Variants in SEMA6D observed in about 807,000 individuals in gnomAD.
The protein encoded by SEMA6D is semaphorin-6D.
In SEMA6D, 35 loss-of-function variants were observed where a neutral mutation model predicts 106.6. The observed-to-expected ratio is 0.33, with a 90% CI of 0.25 to 0.44. The LOEUF (loss-of-function observed/expected upper bound fraction) is 0.44, where lower values mean the gene tolerates loss of function less well. Among genes scored for constraint, SEMA6D ranks in the 20% least tolerant of loss-of-function variants. The probability of loss-of-function intolerance (pLI) is 1.00; values close to 1 mark genes in which losing one functional copy is unlikely to be tolerated. For missense variants in SEMA6D, 1,185 were observed against 1,345.9 expected (o/e 0.88, Z 1.87); for synonymous variants, 499 against 487.7 (o/e 1.02, Z -0.31).
chr15:47,351,761 T>C (rs2038335564), intron 1 of SEMA6D, among the ~76,000 whole-genome samples: 1 of 152,194 alleles, frequency 6.6e-6, no homozygotes, highest in Non-Finnish European at 1.5e-5. Flanking sequence ...CTCAAATCAG[T>C]GCCTCACACA....
chr15:47,299,168 T>A (rs16959217), intron 1 of SEMA6D, among the ~76,000 whole-genome samples: 13,137 of 152,140 alleles, frequency 0.086, 1,216 homozygotes, highest in African/African-American at 0.23. Context: ...CACAGTGACA[T>A]GCAAATGAAT....
At chr15:47,755,770 T>C (rs2081687902) in intron 1 of SEMA6D, among the ~76,000 whole-genome samples, 1 of 151,662 alleles carries the variant, frequency 6.6e-6, no homozygotes, top group Non-Finnish European at 1.5e-5. Flanking sequence ...TTTATAGCTA[T>C]ACTCTCATTT....
chr15:47,286,473 GA>G (rs1405347519), intron 1 of SEMA6D, among the ~76,000 whole-genome samples: 3 of 152,098 alleles, frequency 2.0e-5, no homozygotes, highest in African/African-American at 7.2e-5. Flanking sequence ...GTATTATTGT[GA>G]AAAGTAGCTA....
intron 1 of SEMA6D, among the ~76,000 whole-genome samples, chr15:47,301,480 C>T (rs186535091): frequency 1.1e-4 from 16 of 152,338 alleles, no homozygotes; most frequent in African/African-American, 3.8e-4. Context: ...CAACAGGTAG[C>T]TACTGCTCTT....
intron 1 of SEMA6D, among the ~76,000 whole-genome samples, chr15:47,315,429 T>A (rs1269035859): frequency 6.6e-6 from 1 of 151,480 alleles, no homozygotes; most frequent in Non-Finnish European, 1.5e-5. Context: ...ATTTCTGGAC[T>A]CTCTATCCTC....
intron 3 of SEMA6D, among the ~76,000 whole-genome samples, chr15:47,521,263 G>A (rs1159882661): frequency 5.3e-5 from 8 of 152,176 alleles, no homozygotes; most frequent in Non-Finnish European, 1.2e-4. Context: ...GGGCAGCGGT[G>A]GAAGCAGGGA....
intron 3 of SEMA6D, among the ~76,000 whole-genome samples, chr15:47,547,208 A>C (rs533398877): frequency 6.6e-6 from 1 of 152,060 alleles, no homozygotes; most frequent in African/African-American, 2.4e-5. Flanking sequence ...TAGGGAAAAA[A>C]TGTTGAAAAT....
At chr15:47,610,645 C>T (rs145718322) in intron 4 of SEMA6D, among the ~76,000 whole-genome samples, 222 of 152,290 alleles carry the variant, frequency 1.5e-3, no homozygotes, top group African/African-American at 5.0e-3. Context: ...ATATATCTCA[C>T]TCATTCGGAG....
rs1385876347 is a variant in SEMA6D at position 47,552,864 on chromosome 15, A to T, written c.-86-48001A>T. Among the ~76,000 whole-genome samples the T allele has an allele frequency of 5.9e-4, 38 of 64,618 alleles. 3 individuals are homozygous for T. The highest frequency in any genetic ancestry group is 1.3e-3 in the African/African-American group (10 of 7,864). The allele number at this position is 64,618 out of a possible 152,430, so 42.4% of individuals were successfully genotyped here. On this transcript the variant is annotated intron_variant, in intron 3 of 19. Transcript: ENST00000558014. The stretch of plus-strand genomic sequence containing the variant: ...TATAAATATATATAAATATATATAT[A>T]TTTTTATATATATATAAATATATAT...
At chr15:47,562,098 A>G (rs944645709) in intron 3 of SEMA6D, among the ~76,000 whole-genome samples, 6 of 152,058 alleles carry the variant, frequency 3.9e-5, no homozygotes, top group African/African-American at 1.4e-4. Context: ...AAAACAGATA[A>G]TTCAATCAAT....
chr15:47,392,285 A>G (rs1344828030), intron 1 of SEMA6D, among the ~76,000 whole-genome samples: 1 of 152,166 alleles, frequency 6.6e-6, no homozygotes, highest in African/African-American at 2.4e-5. Flanking sequence ...CGCCAAAGAT[A>G]TTCACTTCCT....
At chr15:47,194,169 T>C (rs912692466) in intron 1 of SEMA6D, among the ~76,000 whole-genome samples, 1 of 152,026 alleles carries the variant, frequency 6.6e-6, no homozygotes, top group Non-Finnish European at 1.5e-5. Context: ...AGATTCTTAC[T>C]ATTAAGATCA....
At chr15:47,770,177 A>G (rs1477074906) in intron 18 of SEMA6D, among the ~76,000 whole-genome samples, 1 of 152,222 alleles carries the variant, frequency 6.6e-6, no homozygotes, top group Non-Finnish European at 1.5e-5. Flanking sequence ...GAAAATATAC[A>G]CTTCTAACTA....
chr15:47,763,415 T>C (rs2082168508), intron 9 of SEMA6D, among the ~76,000 whole-genome samples: 1 of 152,146 alleles, frequency 6.6e-6, no homozygotes, highest in Non-Finnish European at 1.5e-5. Flanking sequence ...CCACTGATAG[T>C]CTATTCTTTC....
In SEMA6D at chr15:47,765,894, A is replaced by C. The variant is rs201444333; in HGVS notation, c.1453A>C (p.Lys485Gln). The change falls in exon 14 of 19, where the codon AAA becomes CAA. Residue 485 changes from lysine (K) to glutamine (Q), a missense_variant. By Grantham distance (53) the Lys-to-Gln change is moderately conservative (BLOSUM62 1). Around this residue, in one of 3 missense-constraint regions of SEMA6D, gnomAD observed 750 missense variants for 783.5 expected, o/e 0.96. Coordinates refer to ENST00000536845, the MANE Select transcript of SEMA6D (RefSeq NM_001358351.3). The part of the protein sequence containing the change: ...AKCSAENEED[K>Q]KVISLQLDKD... ...GTGCAGTGCTGAGAATGAGGAAGAC[A>C]AAAAGGTCATCTCATTACAGTTGGA... 1 of 1,527,170 alleles carries C rather than the reference A, an allele frequency of 6.5e-7. No homozygotes were observed. Among genetic ancestry groups the C allele is most frequent in the Non-Finnish European group, 8.8e-7 (1 of 1,138,716 alleles). 94.6% of individuals were successfully genotyped at this position (1,527,170 alleles called of 1,614,324 possible).
chr15:47,278,491 T>C (rs1424639008), intron 1 of SEMA6D, among the ~76,000 whole-genome samples: 2 of 152,186 alleles, frequency 1.3e-5, no homozygotes, highest in Admixed American at 1.3e-4. Flanking sequence ...TTGTTTGAGT[T>C]ATTTGTGGAT....
intron 1 of SEMA6D, among the ~76,000 whole-genome samples, chr15:47,313,158 G>T (rs1261715223): frequency 1.3e-5 from 2 of 152,100 alleles, no homozygotes; most frequent in African/African-American, 4.8e-5. Flanking sequence ...TTTATGTTAG[G>T]TTTCTCTGTG....
intron 2 of SEMA6D, among the ~76,000 whole-genome samples, chr15:47,419,800 T>C (rs926093493): frequency 5.3e-5 from 8 of 152,092 alleles, no homozygotes; most frequent in African/African-American, 1.7e-4. Context: ...TGAAAGACTT[T>C]CAGGAAGTAT....
intron 3 of SEMA6D, among the ~76,000 whole-genome samples, chr15:47,550,371 G>C (rs892461058): frequency 2.0e-5 from 3 of 152,132 alleles, no homozygotes; most frequent in African/African-American, 7.2e-5. Context: ...AGAAAGAGGT[G>C]CTTTATCTTG....
Sources: allele counts gnomAD v4.1 joint callset (sites outside exome capture counted in the v4.1 genomes callset), GRCh38; gene constraint gnomAD v4.1.1; regional missense constraint gnomAD v4.1.1; transcripts MANE v1.5; gene names NCBI Gene and HGNC (gene_info 2026-07-23, HGNC 2026-07-21).